The following BFSP2 variants were observed in gnomAD, a reference collection of about 807,000 sequenced individuals.
BFSP2 encodes phakinin.
BFSP2 carries 38 observed loss-of-function variants against 44.9 expected under a neutral mutation model. The ratio of observed to expected loss-of-function variants is 0.85; its 90% CI spans 0.65 to 1.11. The LOEUF (loss-of-function observed/expected upper bound fraction) is 1.11. Ranked by LOEUF, BFSP2 falls within the 50% of genes least tolerant of loss-of-function variation. The pLI is 0.00. For missense variants in BFSP2, 525 were observed against 533.0 expected, an observed-to-expected ratio of 0.99 and a Z score of 0.15; for synonymous variants, 197 against 209.9, an observed-to-expected ratio of 0.94 and a Z score of 0.53.
At chr3:133,471,029 A>C (rs1313132217) in intron 5 of BFSP2, among the ~76,000 whole-genome samples, 1 of 152,210 alleles carries the variant, frequency 6.6e-6, no homozygotes, top group Non-Finnish European at 1.5e-5. Flanking sequence ...CAGACCAAAT[A>C]AACTCCAAGA....
chr3:133,428,814 C>T (rs2073679377), intron 1 of BFSP2, among the ~76,000 whole-genome samples: 2 of 152,232 alleles, frequency 1.3e-5, no homozygotes, highest in Admixed American at 6.5e-5. Context: ...CCTGCCCTCG[C>T]TCTGACCTGC....
chr3:133,448,895 A>C, intron 3 of BFSP2: 1 of 517,186 alleles, frequency 1.9e-6, no homozygotes, highest in Non-Finnish European at 3.5e-6. Context: ...CAGTCTTGGC[A>C]CTAGCAAATG....
intron 4 of BFSP2, 65 bp from the exon 5 acceptor site, chr3:133,466,763 G>T: frequency 6.4e-7 from 1 of 1,574,758 alleles, no homozygotes; most frequent in East Asian, 2.4e-5. Flanking sequence ...TAGAAAGGCT[G>T]GGAAGGAAGG....
At chr3:133,424,570 A>T (rs2073626527) in intron 1 of BFSP2, among the ~76,000 whole-genome samples, 1 of 152,066 alleles carries the variant, frequency 6.6e-6, no homozygotes, top group Non-Finnish European at 1.5e-5. Context: ...GAGAGTTATC[A>T]TTCCACCTGC....
intron 2 of BFSP2, 139 bp downstream of exon 2, chr3:133,447,538 C>A: frequency 1.1e-6 from 1 of 873,164 alleles, no homozygotes. Context: ...CATGATTATC[C>A]AGCTCACACC....
At chr3:133,413,597 A>G (rs2073476953) in intron 1 of BFSP2, among the ~76,000 whole-genome samples, 1 of 152,100 alleles carries the variant, frequency 6.6e-6, no homozygotes, top group Non-Finnish European at 1.5e-5. Context: ...CAATTTAGGC[A>G]AATAAAACCT....
At chr3:133,418,565 G>A (rs2073565816) in intron 1 of BFSP2, among the ~76,000 whole-genome samples, 6 of 152,112 alleles carry the variant, frequency 3.9e-5, no homozygotes, top group Admixed American at 3.9e-4. Context: ...ACAGCCTTGG[G>A]TAGGCCCCTG....
At chr3:133,426,739 C>A (rs2073657451) in intron 1 of BFSP2, among the ~76,000 whole-genome samples, 1 of 152,244 alleles carries the variant, frequency 6.6e-6, no homozygotes, top group South Asian at 2.1e-4. Context: ...GCAGAGAATT[C>A]TGCAGAGGCC....
chr3:133,451,535 A>C (rs564629062), intron 4 of BFSP2, among the ~76,000 whole-genome samples: 1 of 152,344 alleles, frequency 6.6e-6, no homozygotes, highest in East Asian at 1.9e-4. Context: ...TTATTTACAA[A>C]AATAAGCGGT....
chr3:133,452,596 A>G (rs1384648070), intron 4 of BFSP2, among the ~76,000 whole-genome samples: 2 of 152,180 alleles, frequency 1.3e-5, no homozygotes, highest in African/African-American at 2.4e-5. Flanking sequence ...ATCTGATCCC[A>G]TTCCCTAATT....
Position 133,400,446 on chromosome 3 carries a change from A to C in BFSP2, c.363A>C (p.Lys121Asn). Residue 121 changes from lysine (K) to asparagine (N), a missense_variant, in exon 1 of 7, where the codon AAA becomes AAC. By Grantham distance (94) the Lys-to-Asn change is moderately conservative. Coordinates refer to ENST00000302334, the MANE Select transcript of BFSP2 (RefSeq NM_003571.4). The surrounding 1 kb of genome is among the most constrained non-coding windows in gnomAD (Gnocchi z 4.0). ...GCTGCCTGGTGGAATATATGGCCAA[A>C]GTGCACGCCCTTGAGCAAGTCAGTC... ...LGGCLVEYMA[K>N]VHALEQVSQE... 6.2e-6 allele frequency: 10 copies of C among 1,614,058 alleles called. No individual in the cohort carries two copies. Among genetic ancestry groups the C allele is most frequent in the Non-Finnish European group, 8.5e-6 (10 of 1,180,046 alleles).
chr3:133,444,698 C>A (rs1254386179), intron 1 of BFSP2, among the ~76,000 whole-genome samples: 7 of 152,132 alleles, frequency 4.6e-5, no homozygotes. Context: ...AACTACTGCA[C>A]CACAAAGAAC....
chr3:133,417,468 C>T (rs1171565189), intron 1 of BFSP2, among the ~76,000 whole-genome samples: 4 of 108,000 alleles, frequency 3.7e-5, no homozygotes, highest in South Asian at 3.8e-4. Flanking sequence ...CTCACCCCTA[C>T]CCTCTCCCCT....
chr3:133,466,991 T>G, intron 5 of BFSP2, 32 bp downstream of exon 5: 1 of 1,610,246 alleles, frequency 6.2e-7, no homozygotes, highest in Non-Finnish European at 8.5e-7. Flanking sequence ...CTGGTGTCCT[T>G]GTGCTAATTT....
At chr3:133,469,663 G>A (rs2074144130) in intron 5 of BFSP2, among the ~76,000 whole-genome samples, 1 of 152,260 alleles carries the variant, frequency 6.6e-6, no homozygotes, top group South Asian at 2.1e-4. Flanking sequence ...GACTGAGCCA[G>A]TGTACTTGCC....
chr3:133,455,605 C>T (rs9865003), intron 4 of BFSP2: 33,159 of 152,100 alleles, frequency 0.22, 4,559 homozygotes, highest in African/African-American at 0.4. Context: ...TCATCCTTGT[C>T]ATCTAACATA....
chr3:133,450,456 C>A lies in BFSP2; in HGVS notation c.883C>A (p.Gln295Lys). The A allele has an allele frequency of 1.2e-6, 2 of 1,614,002 alleles. No homozygotes were observed. The highest frequency in any genetic ancestry group is 2.2e-5 in the South Asian group (2 of 91,072). Residue 295 changes from glutamine to lysine, a missense_variant, in exon 4 of 7, where the codon CAA becomes AAA. Coordinates refer to ENST00000302334, the MANE Select transcript of BFSP2 (RefSeq NM_003571.4). ...CCGGGTGGAGGCAGGAGCCCTGCTC[C>A]AAGCTAAGGTGAGAGGCAGGACCAG... ...KNRVEAGALL[Q>K]AKQQAEVAHM... is the part of the protein sequence containing the mutation.
intron 1 of BFSP2, among the ~76,000 whole-genome samples, chr3:133,443,500 T>C (rs2073865176): frequency 6.6e-6 from 1 of 152,168 alleles, no homozygotes; most frequent in Non-Finnish European, 1.5e-5. Flanking sequence ...AGTGGTGTCA[T>C]GGAAGCCGAG....
At chr3:133,465,469 C>A (rs1347034746) in intron 4 of BFSP2, among the ~76,000 whole-genome samples, 1 of 152,208 alleles carries the variant, frequency 6.6e-6, no homozygotes, top group African/African-American at 2.4e-5. Flanking sequence ...TTCCATCAGA[C>A]TGCATCGAAG....
Sources: gnomAD v4.1 joint callset for allele counts (sites outside exome capture counted in the v4.1 genomes callset) on GRCh38, gnomAD v4.1.1 for gene constraint, Gnocchi (gnomAD v3.1) non-coding constraint, MANE v1.5 for transcripts, NCBI Gene and HGNC (gene_info 2026-07-23, HGNC 2026-07-21) for gene names.